Variants in KMT5A observed in about 807,000 individuals in gnomAD.
The protein encoded by KMT5A is N-lysine methyltransferase KMT5A.
KMT5A carries 6 observed loss-of-function variants against 40.6 expected under a neutral mutation model. That is an observed-to-expected ratio of 0.15 (90% CI 0.08 to 0.29). The LOEUF (loss-of-function observed/expected upper bound fraction) is 0.29. Among genes scored for constraint, KMT5A ranks in the 10% least tolerant of loss-of-function variants. KMT5A has a pLI of 1.00. For synonymous variants in KMT5A, 153 were observed against 178.8 expected (o/e 0.86, Z 1.15); for missense variants, 308 against 459.1 (o/e 0.67, Z 3.01).
intron 1 of KMT5A, among the ~76,000 whole-genome samples, chr12:123,386,909 G>A (rs975248803): frequency 6.6e-6 from 1 of 152,018 alleles, no homozygotes; most frequent in African/African-American, 2.4e-5. Flanking sequence ...AGGATAGAGT[G>A]CAGTGGCACA....
intron 1 of KMT5A, chr12:123,388,294 T>C (rs1485088060): frequency 6.6e-6 from 1 of 152,330 alleles, no homozygotes; most frequent in East Asian, 1.9e-4. Flanking sequence ...TTCTGAGAAC[T>C]TGGCCAAGCT....
intron 1 of KMT5A, among the ~76,000 whole-genome samples, chr12:123,387,961 G>C (rs1284837792): frequency 1.3e-5 from 2 of 152,232 alleles, no homozygotes; most frequent in Non-Finnish European, 2.9e-5. Context: ...TGCAGGAGCT[G>C]GATGCCTTGA....
intron 7 of KMT5A, among the ~76,000 whole-genome samples, chr12:123,407,193 G>C (rs1433308640): frequency 6.6e-6 from 1 of 151,666 alleles, no homozygotes; most frequent in African/African-American, 2.4e-5. Context: ...TTAAAAATTA[G>C]CCTGATGTGG....
chr12:123,392,438 G>T (rs1324132396), intron 3 of KMT5A, among the ~76,000 whole-genome samples: 1 of 151,990 alleles, frequency 6.6e-6, no homozygotes, highest in Non-Finnish European at 1.5e-5. Flanking sequence ...CAGGAGGATT[G>T]CTTGAGCCCA....
At chr12:123,398,558 G>A (rs1416025411) in intron 5 of KMT5A, among the ~76,000 whole-genome samples, 2 of 152,234 alleles carry the variant, frequency 1.3e-5, no homozygotes. Context: ...GAACACACTT[G>A]CTTCCCTAAA....
At chr12:123,388,381 A>G (rs2139155706) in intron 1 of KMT5A, 1 of 152,394 alleles carries the variant, frequency 6.6e-6, no homozygotes, top group Non-Finnish European at 1.5e-5. Flanking sequence ...TTTCAGTGAG[A>G]TAACGGCAAG....
In KMT5A at chr12:123,401,144, C is replaced by CTTTTTTTT. The variant is rs58431238; in HGVS notation, c.598-2414_598-2407dup. ...ATCTATTCCACCAATATATATCTTT[C>CTTTTTTTT]TTTTTTTTTTTTTTTTTTTTTTGAG... On this transcript the variant is annotated intron_variant, in intron 5 of 7. Coordinates refer to ENST00000402868, the MANE Select transcript of KMT5A (RefSeq NM_020382.7). Among the ~76,000 whole-genome samples, 78 of 75,672 alleles carry CTTTTTTTT rather than the reference C, an allele frequency of 1.0e-3. 1 individual carries two copies. The highest frequency in any genetic ancestry group is 1.5e-3 in the Admixed American group (7 of 4,636). The allele number at this position is 75,672 out of a possible 152,430, so 49.6% of individuals were successfully genotyped here.
At chr12:123,397,140 C>A (rs936258073) in intron 5 of KMT5A, among the ~76,000 whole-genome samples, 1 of 152,278 alleles carries the variant, frequency 6.6e-6, no homozygotes, top group South Asian at 2.1e-4. Context: ...GCAGCACCGG[C>A]TGGAAGGCCA....
At chr12:123,389,042 G>C in intron 1 of KMT5A, 1 of 140,892 alleles carries the variant, frequency 7.1e-6, no homozygotes. Context: ...CGCGGTGCGC[G>C]GGTGCCGGGC....
At position 123,384,240 on chromosome 12, in the gene KMT5A, C is replaced by T; in HGVS notation, c.10+32C>T. 6.2e-7 allele frequency: 1 copy of T among 1,611,792 alleles called. No homozygotes were observed. Among genetic ancestry groups the T allele is most frequent in the South Asian group, 1.1e-5 (1 of 90,884 alleles). On this transcript the variant is annotated intron_variant, in intron 1 of 7. Transcript: ENST00000402868. This position sits in a 1 kb window ranked among gnomAD's most constrained non-coding sequence, Gnocchi z 5.7. ...GCCCAAGTGGCCGGCACCGGAGCGGCTGGGTCGGGGGTCGTGCTGGAGGGG... is the reference window on the plus strand; with the variant it reads ...GCCCAAGTGGCCGGCACCGGAGCGGTTGGGTCGGGGGTCGTGCTGGAGGGG...
chr12:123,386,524 G>A (rs1035238970), intron 1 of KMT5A, among the ~76,000 whole-genome samples: 1 of 151,968 alleles, frequency 6.6e-6, no homozygotes, highest in Non-Finnish European at 1.5e-5. Context: ...CCAATATTTA[G>A]AATTGTAAAT....
At chr12:123,401,151 T>TC (rs1878130897) in intron 5 of KMT5A, among the ~76,000 whole-genome samples, 1 of 131,242 alleles carries the variant, frequency 7.6e-6, no homozygotes, top group Admixed American at 7.7e-5. Flanking sequence ...TTTCTTTTTT[T>TC]TTTTTTTTTT....
chr12:123,407,428 G>A, intron 7 of KMT5A, 65 bp from the exon 8 acceptor site: 1 of 1,462,538 alleles, frequency 6.8e-7, no homozygotes, highest in South Asian at 1.2e-5. Context: ...GCACAAGTGT[G>A]ACTCTCTTCA....
intron 5 of KMT5A, among the ~76,000 whole-genome samples, chr12:123,402,949 C>T (rs1175351906): frequency 6.6e-6 from 1 of 152,204 alleles, no homozygotes; most frequent in Non-Finnish European, 1.5e-5. Flanking sequence ...TGCTGTGTCG[C>T]CCAGGCTGGA....
intron 6 of KMT5A, 100 bp downstream of exon 6, chr12:123,403,732 C>T (rs1267322259): frequency 2.3e-6 from 3 of 1,330,920 alleles, no homozygotes; most frequent in Non-Finnish European, 2.2e-6. Context: ...CTTTCACCCT[C>T]TAATGGCCAT....
rs1876786311 is a variant in KMT5A at position 123,384,955 on chromosome 12, C to T, written c.10+747C>T. ...GGTATGCGGCAAAGAGATCTCCAAC[C>T]GCTTGGTCATTTCCAGCCACTGCGT... On this transcript the variant is annotated intron_variant, in intron 1 of 7. Coordinates refer to ENST00000402868, the MANE Select transcript of KMT5A (RefSeq NM_020382.7). This position sits in a 1 kb window ranked among gnomAD's most constrained non-coding sequence, Gnocchi z 5.7. 6.6e-6 allele frequency among the ~76,000 whole-genome samples: 1 copy of T among 152,082 alleles called. No individual in the cohort carries two copies. The highest frequency in any genetic ancestry group is 2.4e-5 in the African/African-American group (1 of 41,404).
At chr12:123,397,292 C>T (rs554780956) in intron 5 of KMT5A, among the ~76,000 whole-genome samples, 1 of 152,214 alleles carries the variant, frequency 6.6e-6, no homozygotes, top group Non-Finnish European at 1.5e-5. Flanking sequence ...TGCTCTTCCC[C>T]CTCAGGGACA....
chr12:123,384,592 CCTCT>C lies in KMT5A; in HGVS notation c.10+389_10+392del, dbSNP rs2139148338. ...AGTGAGGCTTCGCCCACTTTGGGGC[CCTCT>C]CTCTTTGGGAAAGGAGGTGATCCCG... is the stretch of plus-strand genomic sequence containing the variant. On this transcript the variant is annotated intron_variant, in intron 1 of 7. Transcript: ENST00000402868. This position sits in a 1 kb window ranked among gnomAD's most constrained non-coding sequence, Gnocchi z 5.7. 6.6e-6 allele frequency among the ~76,000 whole-genome samples: 1 copy of C among 152,312 alleles called. No homozygotes were observed. The highest frequency in any genetic ancestry group is 2.1e-4 in the South Asian group (1 of 4,828).
At position 123,393,124 on chromosome 12, in the gene KMT5A, C is replaced by A. The variant is rs369241104; in HGVS notation, c.290-1923C>A. Among the ~76,000 whole-genome samples the A allele has an allele frequency of 2.4e-4, 36 of 152,264 alleles. 1 individual carries two copies. In the South Asian group the frequency reaches 7.5e-3, roughly 32 times the overall value. On this transcript the variant is annotated intron_variant, in intron 3 of 7. Transcript: ENST00000402868. ...AACTCCTGACCTCAGGTGGCCCACC[C>A]GCCTTGGCCTCCCAAAGTGCTGGGA...
Sources: allele counts gnomAD v4.1 joint callset (sites outside exome capture counted in the v4.1 genomes callset), GRCh38; gene constraint gnomAD v4.1.1; non-coding constraint Gnocchi (gnomAD v3.1); transcripts MANE v1.5; gene names NCBI Gene and HGNC (gene_info 2026-07-23, HGNC 2026-07-21).